The following WWOX variants were observed in gnomAD, a reference collection of about 807,000 sequenced individuals.
The protein encoded by WWOX is WW domain-containing oxidoreductase.
Under a neutral mutation model 46.2 loss-of-function variants are expected in WWOX, and 69 were observed. The observed-to-expected ratio is 1.49, with a 90% CI of 1.23 to 1.82. The LOEUF (loss-of-function observed/expected upper bound fraction) is 1.82, where lower values mean the gene tolerates loss of function less well. Among genes scored for constraint, WWOX ranks in the 40% most tolerant of loss-of-function variants. WWOX has a pLI of 0.00. For synonymous variants in WWOX, 359 were observed against 202.6 expected (o/e 1.77, Z -6.56); for missense variants, 919 against 542.6 (o/e 1.69, Z -6.89).
chr16:78,493,673 T>G (rs555003402), intron 8 of WWOX, among the ~76,000 whole-genome samples: 147 of 152,282 alleles, frequency 9.7e-4, no homozygotes, highest in African/African-American at 3.4e-3. Flanking sequence ...AAGCGTATAA[T>G]CCACAGCACT....
At chr16:78,678,590 C>G (rs568974595) in intron 8 of WWOX, among the ~76,000 whole-genome samples, 1 of 152,172 alleles carries the variant, frequency 6.6e-6, no homozygotes, top group Admixed American at 6.5e-5. Flanking sequence ...GTATAAAGAA[C>G]TACAATAGGC....
intron 5 of WWOX, among the ~76,000 whole-genome samples, chr16:78,328,822 G>A (rs2151890215): frequency 1.2e-5 from 1 of 81,992 alleles, no homozygotes; most frequent in Middle Eastern, 5.7e-3. Flanking sequence ...TTTTGCCGAT[G>A]TGTTTTTCTT....
chr16:78,502,208 A>G (rs1041301365), intron 8 of WWOX, among the ~76,000 whole-genome samples: 3 of 152,134 alleles, frequency 2.0e-5, no homozygotes, highest in African/African-American at 4.8e-5. Flanking sequence ...TGTGCCTACC[A>G]TATAATTCAT....
At chr16:79,099,886 T>C (rs1279961043) in intron 8 of WWOX, among the ~76,000 whole-genome samples, 2 of 152,194 alleles carry the variant, frequency 1.3e-5, no homozygotes, top group Non-Finnish European at 2.9e-5. Context: ...GGAGTTGGCT[T>C]ATGCAATAGT....
chr16:78,541,473 C>CAAAAA (rs59900108), intron 8 of WWOX, among the ~76,000 whole-genome samples: 23 of 45,166 alleles, frequency 5.1e-4, no homozygotes, highest in African/African-American at 1.3e-3. Flanking sequence ...GACTCCGTCT[C>CAAAAA]AAAAAAAAAA....
intron 8 of WWOX, among the ~76,000 whole-genome samples, chr16:78,508,510 C>G (rs1597185688): frequency 6.6e-6 from 1 of 152,118 alleles, no homozygotes; most frequent in Non-Finnish European, 1.5e-5. Flanking sequence ...GGTTGGCCAG[C>G]CTGGCCTTGA....
At chr16:78,579,013 T>C (rs2044978283) in intron 8 of WWOX, among the ~76,000 whole-genome samples, 3 of 152,214 alleles carry the variant, frequency 2.0e-5, no homozygotes, top group Admixed American at 6.5e-5. Flanking sequence ...ACATTATACA[T>C]CTTAGGCATT....
intron 5 of WWOX, 84 bp downstream of exon 5, chr16:78,164,373 A>G (rs2034904228): frequency 8.4e-7 from 1 of 1,195,328 alleles, no homozygotes; most frequent in Admixed American, 1.9e-5. Context: ...TGGAGTGTGT[A>G]AAGTTTATTG....
intron 8 of WWOX, among the ~76,000 whole-genome samples, chr16:78,943,136 A>G (rs866714467): frequency 6.6e-6 from 1 of 152,332 alleles, no homozygotes; most frequent in Non-Finnish European, 1.5e-5. Flanking sequence ...GTGGCAACAC[A>G]TGGTGGGTTC....
chr16:79,012,343 C>T (rs918495486), intron 8 of WWOX, among the ~76,000 whole-genome samples: 2 of 152,094 alleles, frequency 1.3e-5, no homozygotes, highest in Non-Finnish European at 2.9e-5. Flanking sequence ...AGTAATTCTC[C>T]TACCTCAGCC....
intron 8 of WWOX, among the ~76,000 whole-genome samples, chr16:78,750,917 C>T (rs1196648261): frequency 1.3e-5 from 2 of 152,056 alleles, no homozygotes; most frequent in Admixed American, 6.6e-5. Context: ...AGGATGATTC[C>T]ATGTCTTTGC....
At chr16:78,556,913 T>C (rs2044312083) in intron 8 of WWOX, among the ~76,000 whole-genome samples, 1 of 151,994 alleles carries the variant, frequency 6.6e-6, no homozygotes, top group Admixed American at 6.6e-5. Flanking sequence ...GAGATGAGGT[T>C]TTGCCATATT....
At chr16:78,840,108 C>T (rs760032107) in intron 8 of WWOX, among the ~76,000 whole-genome samples, 1 of 152,130 alleles carries the variant, frequency 6.6e-6, no homozygotes, top group African/African-American at 2.4e-5. Context: ...AAGTTGTATG[C>T]AAAATAAGTT....
At position 78,732,641 on chromosome 16, in the gene WWOX, A is replaced by G. The variant is rs940480845; in HGVS notation, c.1056+299889A>G. Reference sequence around the variant, plus strand: ...TAATCTTAGCTAAGATTTATCAGAAATTAAAACTGTATACTTAACTAACCA... The same window carrying G: ...TAATCTTAGCTAAGATTTATCAGAAGTTAAAACTGTATACTTAACTAACCA... On this transcript the variant is annotated intron_variant, in intron 8 of 8. Coordinates refer to ENST00000566780, the MANE Select transcript of WWOX (RefSeq NM_016373.4). Among the ~76,000 whole-genome samples the G allele has an allele frequency of 2.6e-5, 4 of 152,324 alleles. No individual in the cohort carries two copies. The East Asian group carries it at 7.7e-4, about 29-fold the overall frequency.
chr16:78,640,758 G>C (rs1278609000), intron 8 of WWOX, among the ~76,000 whole-genome samples: 1 of 151,996 alleles, frequency 6.6e-6, no homozygotes, highest in Non-Finnish European at 1.5e-5. Context: ...GGGCAACACG[G>C]TGAAACCCCG....
chr16:78,373,128 T>A (rs1314502863), intron 5 of WWOX, among the ~76,000 whole-genome samples: 1 of 152,180 alleles, frequency 6.6e-6, no homozygotes, highest in South Asian at 2.1e-4. Flanking sequence ...TCTTGTAATA[T>A]CTTTGTAAAA....
chr16:78,515,591 C>G (rs2043218114), intron 8 of WWOX, among the ~76,000 whole-genome samples: 1 of 152,202 alleles, frequency 6.6e-6, no homozygotes, highest in African/African-American at 2.4e-5. Flanking sequence ...CATCACATAG[C>G]TATCTCTGTG....
Position 79,101,909 on chromosome 16 carries a change from G to T in WWOX, c.1057-109699G>T, listed in dbSNP as rs182110055. ...AAGGCTTTCATGCATGAAACACTCA[G>T]GGAGGTAGGAGATCCATGAGATCCA... On this transcript the variant is annotated intron_variant, in intron 8 of 8. Transcript: ENST00000566780. 3.3e-5 allele frequency among the ~76,000 whole-genome samples: 5 copies of T among 151,386 alleles called. No homozygotes were observed. The East Asian group carries it at 9.8e-4, about 30-fold the overall frequency.
intron 8 of WWOX, among the ~76,000 whole-genome samples, chr16:78,789,912 C>G (rs957342741): frequency 3.9e-5 from 6 of 152,150 alleles, no homozygotes; most frequent in Non-Finnish European, 7.3e-5. Context: ...AACTTAAACT[C>G]CAATTCTGCC....
Sources: allele counts gnomAD v4.1 joint callset (sites outside exome capture counted in the v4.1 genomes callset), GRCh38; gene constraint gnomAD v4.1.1; transcripts MANE v1.5; gene names NCBI Gene and HGNC (gene_info 2026-07-23, HGNC 2026-07-21).